EPHB1: variants seen among roughly 807,000 people sequenced by gnomAD.
EPHB1 encodes the protein EPH receptor B1.
A neutral mutation model predicts 94.4 loss-of-function variants in EPHB1; 30 were observed. The ratio of observed to expected loss-of-function variants is 0.32; its 90% CI spans 0.24 to 0.43. EPHB1 has a LOEUF of 0.43. EPHB1 is among the 20% of genes least tolerant of loss of function. The probability of loss-of-function intolerance (pLI) is 1.00; values close to 1 mark genes in which losing one functional copy is unlikely to be tolerated. For synonymous variants in EPHB1, 522 were observed against 489.1 expected, an observed-to-expected ratio of 1.07 and a Z score of -0.89; for missense variants, 1,055 against 1,308.3, an observed-to-expected ratio of 0.81 and a Z score of 2.99.
At chr3:134,947,610 T>C (rs16842308) in intron 2 of EPHB1, among the ~76,000 whole-genome samples, 17,467 of 152,250 alleles carry the variant, frequency 0.11, 1,125 homozygotes, top group Non-Finnish European at 0.13. Context: ...TCTGTAGAAT[T>C]TTACAACTCA....
chr3:135,241,068 T>C, intron 12 of EPHB1, 80 bp from the exon 13 acceptor site: 4 of 1,544,184 alleles, frequency 2.6e-6, no homozygotes, highest in Non-Finnish European at 3.6e-6. Flanking sequence ...TTTGGAAGAA[T>C]GTGCATGCCA....
At chr3:134,907,783 T>C (rs1258847810) in intron 1 of EPHB1, among the ~76,000 whole-genome samples, 3 of 152,188 alleles carry the variant, frequency 2.0e-5, no homozygotes, top group Non-Finnish European at 2.9e-5. Flanking sequence ...CAGTAAAGTC[T>C]TGGGCCATGC....
chr3:135,166,190 A>C, intron 8 of EPHB1, 114 bp downstream of exon 8: 1 of 714,674 alleles, frequency 1.4e-6, no homozygotes, highest in Non-Finnish European at 2.5e-6. Flanking sequence ...CACAATCATC[A>C]CTCCATCTCA....
chr3:135,159,108 T>C (rs1027294598), intron 6 of EPHB1, among the ~76,000 whole-genome samples: 2 of 152,174 alleles, frequency 1.3e-5, no homozygotes, highest in Non-Finnish European at 2.9e-5. Flanking sequence ...GAGGGAAACA[T>C]GGTTTCTGCC....
Position 134,882,754 on chromosome 3 carries a change from C to CT in EPHB1, c.59-43060dup, listed in dbSNP as rs1316244978. Among the ~76,000 whole-genome samples, 306 of 31,314 alleles carry CT rather than the reference C, an allele frequency of 9.8e-3. 16 individuals are homozygous for CT. Among genetic ancestry groups the CT allele is most frequent in the African/African-American group, 0.025 (239 of 9,414 alleles). 20.5% of individuals were successfully genotyped at this position (31,314 alleles called of 152,430 possible). ...TCCTTCTTTCCTTCTTTCTTCCTTTCTTCCTTCCTTCCTTTCTTTCTTTCT... is the reference window on the plus strand; with the variant it reads ...TCCTTCTTTCCTTCTTTCTTCCTTTCTTTCCTTCCTTCCTTTCTTTCTTTCT... On this transcript the variant is annotated intron_variant, in intron 1 of 15. Coordinates refer to ENST00000398015, the MANE Select transcript of EPHB1 (RefSeq NM_004441.5).
chr3:134,840,490 C>T (rs1056931624), intron 1 of EPHB1: 1 of 152,144 alleles, frequency 6.6e-6, no homozygotes, highest in Non-Finnish European at 1.5e-5. Context: ...ATCTGGCTCT[C>T]AGATGCATTG....
At chr3:134,936,958 G>T (rs2039016775) in intron 2 of EPHB1, among the ~76,000 whole-genome samples, 1 of 152,220 alleles carries the variant, frequency 6.6e-6, no homozygotes, top group Non-Finnish European at 1.5e-5. Flanking sequence ...GGGAAGGCCA[G>T]ACTGATGTCT....
chr3:135,083,151 C>G (rs952062306), intron 3 of EPHB1, among the ~76,000 whole-genome samples: 4 of 152,078 alleles, frequency 2.6e-5, no homozygotes, highest in Non-Finnish European at 5.9e-5. Context: ...GAAAAGTGAG[C>G]AGGGCCTGAT....
chr3:134,992,681 T>G (rs1422709952), intron 3 of EPHB1, among the ~76,000 whole-genome samples: 1 of 152,088 alleles, frequency 6.6e-6, no homozygotes, highest in Non-Finnish European at 1.5e-5. Context: ...GAACAGAGTG[T>G]GTAGAGTCTG....
At chr3:134,942,503 A>G (rs996088718) in intron 2 of EPHB1, among the ~76,000 whole-genome samples, 1 of 152,228 alleles carries the variant, frequency 6.6e-6, no homozygotes, top group Non-Finnish European at 1.5e-5. Flanking sequence ...CTTCCTAGTC[A>G]TCTGGTACTG....
chr3:134,942,123 C>A (rs2039131946), intron 2 of EPHB1, among the ~76,000 whole-genome samples: 4 of 152,282 alleles, frequency 2.6e-5, no homozygotes, highest in African/African-American at 7.2e-5. Flanking sequence ...GACAGGTTAG[C>A]CTGGTGGCAC....
At chr3:135,209,791 T>C (rs762412310) in intron 12 of EPHB1, among the ~76,000 whole-genome samples, 1 of 152,182 alleles carries the variant, frequency 6.6e-6, no homozygotes, top group Non-Finnish European at 1.5e-5. Context: ...AAAATATATA[T>C]ATTTTTAAAT....
At chr3:135,217,424 C>CCACACACACACA (rs200312241) in intron 12 of EPHB1, among the ~76,000 whole-genome samples, 1 of 143,400 alleles carries the variant, frequency 7.0e-6, no homozygotes, top group Non-Finnish European at 1.5e-5. Context: ...CCCATCAGTA[C>CCACACACACACA]CACACACACA....
chr3:135,073,259 A>G (rs932865741), intron 3 of EPHB1, among the ~76,000 whole-genome samples: 3 of 152,186 alleles, frequency 2.0e-5, no homozygotes, highest in African/African-American at 7.2e-5. Flanking sequence ...AACAGTTTTA[A>G]TTAGATCTTG....
intron 1 of EPHB1, among the ~76,000 whole-genome samples, chr3:134,874,071 G>T (rs2037561454): frequency 6.6e-6 from 1 of 152,228 alleles, no homozygotes; most frequent in Non-Finnish European, 1.5e-5. Flanking sequence ...GTGTTCACCA[G>T]GGTGGCTGAG....
chr3:134,918,294 G>T (rs192619176), intron 1 of EPHB1, among the ~76,000 whole-genome samples: 2 of 152,148 alleles, frequency 1.3e-5, no homozygotes, highest in Non-Finnish European at 2.9e-5. Context: ...GAAATGGGGT[G>T]CTGGAAGAAG....
chr3:134,858,620 A>C (rs2037176744), intron 1 of EPHB1, among the ~76,000 whole-genome samples: 1 of 152,216 alleles, frequency 6.6e-6, no homozygotes, highest in African/African-American at 2.4e-5. Context: ...AATCACCTCC[A>C]GAAAGGGCTG....
intron 1 of EPHB1, among the ~76,000 whole-genome samples, chr3:134,912,207 T>G (rs1285570082): frequency 1.3e-5 from 2 of 152,220 alleles, no homozygotes; most frequent in East Asian, 3.9e-4. Flanking sequence ...TTCTCTCATC[T>G]TGCCCACAAA....
At chr3:134,917,222 C>G (rs1314293790) in intron 1 of EPHB1, among the ~76,000 whole-genome samples, 5 of 152,154 alleles carry the variant, frequency 3.3e-5, no homozygotes, top group African/African-American at 1.2e-4. Flanking sequence ...CAGAAGAAAC[C>G]CTCTGAACCA....
Sources: gnomAD v4.1 joint callset for allele counts (sites outside exome capture counted in the v4.1 genomes callset) on GRCh38, gnomAD v4.1.1 for gene constraint, MANE v1.5 for transcripts, NCBI Gene and HGNC (gene_info 2026-07-23, HGNC 2026-07-21) for gene names.